CLEC16A: variants seen among roughly 807,000 people sequenced by gnomAD.
The protein encoded by CLEC16A is protein CLEC16A.
A neutral mutation model predicts 109.5 loss-of-function variants in CLEC16A; 51 were observed. The ratio of observed to expected loss-of-function variants is 0.47; its 90% CI spans 0.37 to 0.59. The LOEUF (loss-of-function observed/expected upper bound fraction) is 0.59, where lower values mean the gene tolerates loss of function less well. CLEC16A is among the 20% of genes least tolerant of loss of function. The probability of loss-of-function intolerance (pLI) is 0.00; values close to 1 mark genes in which losing one functional copy is unlikely to be tolerated. For missense variants in CLEC16A, 1,339 were observed against 1,394.0 expected (o/e 0.96, Z 0.63); for synonymous variants, 673 against 564.2 (o/e 1.19, Z -2.73).
Position 11,144,818 on chromosome 16 carries a change from G to A in CLEC16A, c.2641+18672G>A, listed in dbSNP as rs1449134117. Among the ~76,000 whole-genome samples the A allele has an allele frequency of 4.6e-5, 7 of 152,166 alleles. No individual in the cohort carries two copies. In the South Asian group the frequency reaches 6.2e-4, roughly 14 times the overall value. On this transcript the variant is annotated intron_variant, in intron 22 of 23. Coordinates refer to ENST00000409790, the MANE Select transcript of CLEC16A (RefSeq NM_015226.3). ...GGTATAGGAGTGGGATGTTTTGTGCGCTGGGGCCAGTTTCAGGAGAGGCCA... is the reference window on the plus strand; with the variant it reads ...GGTATAGGAGTGGGATGTTTTGTGCACTGGGGCCAGTTTCAGGAGAGGCCA...
intron 19 of CLEC16A, among the ~76,000 whole-genome samples, chr16:11,078,789 C>T: frequency 6.6e-6 from 1 of 152,132 alleles, no homozygotes; most frequent in East Asian, 1.9e-4. Flanking sequence ...AAGAGCCAAG[C>T]CCATGAGGGA....
intron 22 of CLEC16A, among the ~76,000 whole-genome samples, chr16:11,128,832 C>T (rs982841911): frequency 2.6e-5 from 4 of 152,154 alleles, no homozygotes; most frequent in Non-Finnish European, 5.9e-5. Flanking sequence ...TACTGAGATC[C>T]GAGATCTCCT....
intron 9 of CLEC16A, 147 bp downstream of exon 9, chr16:10,979,529 T>G: frequency 4.3e-6 from 3 of 693,090 alleles, no homozygotes; most frequent in Non-Finnish European, 7.5e-6. Context: ...GAAGGGGCTT[T>G]CTGTTTTCCA....
At chr16:10,997,238 A>G (rs1213066683) in intron 10 of CLEC16A, among the ~76,000 whole-genome samples, 3 of 152,264 alleles carry the variant, frequency 2.0e-5, no homozygotes, top group African/African-American at 7.2e-5. Flanking sequence ...TTGGGATTAC[A>G]GGCATGAGCC....
Position 11,024,936 on chromosome 16 carries a change from C to G in CLEC16A, c.1537+15C>G. On this transcript the variant is annotated intron_variant, in intron 13 of 23. Transcript: ENST00000409790. ...TCATAATAAAGGTAAGCACCCTTGC[C>G]TTGCCTGACTTCCTTGCTGGGCCCT... 6.4e-7 allele frequency: 1 copy of G among 1,574,480 alleles called. No homozygotes were observed. Among genetic ancestry groups the G allele is most frequent in the Non-Finnish European group, 8.7e-7 (1 of 1,152,534 alleles).
intron 23 of CLEC16A, among the ~76,000 whole-genome samples, chr16:11,168,497 G>C (rs2068367760): frequency 6.6e-6 from 1 of 152,246 alleles, no homozygotes; most frequent in African/African-American, 2.4e-5. Flanking sequence ...CTGAGGCCCA[G>C]CCTGCCTGTC....
chr16:10,944,619 G>A lies in CLEC16A; in HGVS notation c.-99G>A. The A allele has an allele frequency of 2.5e-6, 3 of 1,193,108 alleles. No homozygotes were observed. Among genetic ancestry groups the A allele is most frequent in the African/African-American group, 3.0e-5 (2 of 65,658 alleles). The allele number at this position is 1,193,108 out of a possible 1,614,324, so 73.9% of individuals were successfully genotyped here. On this transcript the variant is annotated 5_prime_UTR_variant, in exon 1 of 24. Transcript: ENST00000409790. ...GGCTCGCGGTTCCTCCACCGCCTCC[G>A]CCGCCGCATCCTCCGCTTGTGCTAC... is the stretch of plus-strand genomic sequence containing the variant.
chr16:11,002,550 G>C (rs2044729294), intron 10 of CLEC16A, among the ~76,000 whole-genome samples: 1 of 152,070 alleles, frequency 6.6e-6, no homozygotes, highest in South Asian at 2.1e-4. Flanking sequence ...TTGCCACATT[G>C]ATGTATTGCA....
intron 9 of CLEC16A, among the ~76,000 whole-genome samples, chr16:10,982,246 C>T (rs573134788): frequency 6.8e-4 from 104 of 152,286 alleles, no homozygotes; most frequent in African/African-American, 2.4e-3. Flanking sequence ...GCCAGCTTAG[C>T]CCAGAGGCAG....
At chr16:11,033,633 T>C (rs1456053478) in intron 13 of CLEC16A, among the ~76,000 whole-genome samples, 1 of 152,204 alleles carries the variant, frequency 6.6e-6, no homozygotes, top group Non-Finnish European at 1.5e-5. Flanking sequence ...TCCAGATCCT[T>C]ACCCCCCAAA....
chr16:11,158,170 A>G (rs2054600696), intron 22 of CLEC16A, among the ~76,000 whole-genome samples: 1 of 152,212 alleles, frequency 6.6e-6, no homozygotes, highest in South Asian at 2.1e-4. Context: ...GTGCGAGGTC[A>G]CAGGGCCGAT....
At chr16:11,065,455 T>G (rs1054109761) in intron 19 of CLEC16A, among the ~76,000 whole-genome samples, 1 of 152,238 alleles carries the variant, frequency 6.6e-6, no homozygotes, top group African/African-American at 2.4e-5. Context: ...GACCCATTCA[T>G]GCATTCAGCT....
chr16:11,096,255 G>C (rs943828083), intron 19 of CLEC16A, among the ~76,000 whole-genome samples: 1 of 152,078 alleles, frequency 6.6e-6, no homozygotes, highest in Non-Finnish European at 1.5e-5. Flanking sequence ...TGAGGTGGGA[G>C]GATCATTTGA....
intron 13 of CLEC16A, among the ~76,000 whole-genome samples, chr16:11,029,775 A>C (rs1442074104): frequency 6.6e-6 from 1 of 152,238 alleles, no homozygotes; most frequent in Non-Finnish European, 1.5e-5. Context: ...GAACATATTT[A>C]AGGTGCACAA....
At chr16:10,994,480 A>C (rs954475443) in intron 10 of CLEC16A, among the ~76,000 whole-genome samples, 3 of 152,114 alleles carry the variant, frequency 2.0e-5, no homozygotes, top group Admixed American at 6.5e-5. Flanking sequence ...GCCAGTGGCC[A>C]AGCCATGTGC....
At chr16:10,988,170 C>T (rs2043783886) in intron 10 of CLEC16A, among the ~76,000 whole-genome samples, 1 of 152,172 alleles carries the variant, frequency 6.6e-6, no homozygotes. Context: ...GCAGAATGAA[C>T]ATATAGATTA....
At chr16:11,094,324 G>C (rs2050481761) in intron 19 of CLEC16A, among the ~76,000 whole-genome samples, 4 of 152,170 alleles carry the variant, frequency 2.6e-5, no homozygotes, top group Admixed American at 2.0e-4. Context: ...CGCCTGTCCT[G>C]GGCAGGCCGA....
intron 1 of CLEC16A, 33 bp downstream of exon 1, chr16:10,944,830 G>A: frequency 6.4e-7 from 1 of 1,555,472 alleles, no homozygotes; most frequent in Non-Finnish European, 8.8e-7. Context: ...GAGGCCTCGG[G>A]GCTGGACAGG....
At chr16:10,953,380 T>G (rs1286645330) in intron 1 of CLEC16A, among the ~76,000 whole-genome samples, 1 of 152,246 alleles carries the variant, frequency 6.6e-6, no homozygotes, top group Non-Finnish European at 1.5e-5. Context: ...CAGTTCCAGA[T>G]GTACTCAAAG....
Sources: allele counts gnomAD v4.1 joint callset (sites outside exome capture counted in the v4.1 genomes callset), GRCh38; gene constraint gnomAD v4.1.1; transcripts MANE v1.5; gene names NCBI Gene and HGNC (gene_info 2026-07-23, HGNC 2026-07-21).